The following CCDC171 variants were observed in gnomAD, a reference collection of about 807,000 sequenced individuals.
CCDC171 encodes coiled-coil domain-containing protein 171.
CCDC171 carries 177 observed loss-of-function variants against 168.2 expected under a neutral mutation model. The ratio of observed to expected loss-of-function variants is 1.05; its 90% CI spans 0.93 to 1.19. The LOEUF is 1.19. Among genes scored for constraint, CCDC171 ranks in the 50% most tolerant of loss-of-function variants. CCDC171 has a pLI of 0.00. For missense variants in CCDC171, 1,991 were observed against 1,539.0 expected (o/e 1.29, Z -4.91); for synonymous variants, 687 against 540.8 (o/e 1.27, Z -3.75).
At chr9:15,909,405 C>G (rs970631030) in intron 24 of CCDC171, among the ~76,000 whole-genome samples, 1 of 63,098 alleles carries the variant, frequency 1.6e-5, no homozygotes, top group African/African-American at 5.9e-5. Context: ...TGTGCGTACA[C>G]ACACACACAC....
chr9:16,013,599 C>T (rs990749489), intron 3 of CCDC171, among the ~76,000 whole-genome samples: 5 of 152,198 alleles, frequency 3.3e-5, no homozygotes, highest in South Asian at 2.1e-4. Context: ...CTCTCTGACC[C>T]GTACCTACCT....
intron 25 of CCDC171, among the ~76,000 whole-genome samples, chr9:15,944,476 A>T (rs1469407829): frequency 6.6e-6 from 1 of 152,032 alleles, no homozygotes; most frequent in Non-Finnish European, 1.5e-5. Context: ...TGTGTGAGAC[A>T]TTGTCAGGGC....
At chr9:15,861,955 A>G (rs1192499954) in intron 23 of CCDC171, among the ~76,000 whole-genome samples, 2 of 151,922 alleles carry the variant, frequency 1.3e-5, no homozygotes, top group African/African-American at 4.8e-5. Context: ...AGCTTTTGTC[A>G]GGGAAATTTT....
At chr9:15,774,884 C>T (rs912464454) in intron 18 of CCDC171, among the ~76,000 whole-genome samples, 3 of 152,128 alleles carry the variant, frequency 2.0e-5, no homozygotes, top group South Asian at 2.1e-4. Flanking sequence ...TGTTCTCACT[C>T]ATATGTGGGA....
chr9:15,632,824 A>G (rs2045845569), intron 7 of CCDC171, among the ~76,000 whole-genome samples: 1 of 152,230 alleles, frequency 6.6e-6, no homozygotes, highest in Admixed American at 6.5e-5. Context: ...CAAAACAGAG[A>G]TATAGATCAA....
chr9:15,700,988 A>T (rs1159028595), intron 11 of CCDC171, among the ~76,000 whole-genome samples: 2 of 151,250 alleles, frequency 1.3e-5, no homozygotes, highest in African/African-American at 4.9e-5. Flanking sequence ...TCCCTAATTT[A>T]TGATTTGAGC....
intron 9 of CCDC171, among the ~76,000 whole-genome samples, chr9:15,671,918 G>A (rs888330778): frequency 2.6e-5 from 4 of 152,156 alleles, no homozygotes; most frequent in African/African-American, 9.7e-5. Flanking sequence ...GATCCTTGAG[G>A]AATTGCCACA....
At chr9:15,966,897 A>T (rs7862496) in intron 25 of CCDC171, among the ~76,000 whole-genome samples, 1 of 39,332 alleles carries the variant, frequency 2.5e-5, no homozygotes, top group Admixed American at 1.8e-4. Context: ...GTGTGTGTGT[A>T]TATATATATA....
intron 3 of CCDC171, among the ~76,000 whole-genome samples, chr9:16,012,062 C>A: frequency 6.6e-6 from 1 of 152,188 alleles, no homozygotes; most frequent in Non-Finnish European, 1.5e-5. Context: ...GTGGACTGAT[C>A]TGCAAATAGG....
chr9:15,799,211 T>G (rs2135749442), intron 21 of CCDC171, among the ~76,000 whole-genome samples: 1 of 147,062 alleles, frequency 6.8e-6, no homozygotes, highest in East Asian at 2.0e-4. Context: ...TGTTTCCATC[T>G]AATGTGATTT....
At chr9:15,901,173 T>C (rs1821594756) in intron 24 of CCDC171, among the ~76,000 whole-genome samples, 1 of 152,138 alleles carries the variant, frequency 6.6e-6, no homozygotes, top group Non-Finnish European at 1.5e-5. Flanking sequence ...AAAAGATCAG[T>C]GGTTGCCAGG....
In CCDC171 at chr9:15,729,713, C is replaced by T; in HGVS notation, c.1964C>T (p.Ala655Val). 1 of 1,613,426 alleles carries T rather than the reference C, an allele frequency of 6.2e-7. No homozygotes were observed. Among genetic ancestry groups the T allele is most frequent in the Non-Finnish European group, 8.5e-7 (1 of 1,179,554 alleles). ...TFTKVAEQIK[A>V]QESCWHRQKK... ...ACCAAAGTGGCAGAACAGATCAAAG[C>T]CCAAGAGAGCTGCTGGCACAGACAA... Residue 655 changes from alanine to valine, a missense_variant, in exon 16 of 26, where the codon GCC becomes GTC. Ala to Val is a moderately conservative substitution (Grantham distance 64). Coordinates refer to ENST00000380701, the MANE Select transcript of CCDC171 (RefSeq NM_173550.4).
intron 6 of CCDC171, among the ~76,000 whole-genome samples, chr9:15,619,674 A>G (rs1199125298): frequency 2.0e-5 from 3 of 152,238 alleles, no homozygotes; most frequent in Admixed American, 2.0e-4. Flanking sequence ...CCAAAGATCT[A>G]GCTAAAATAA....
chr9:15,975,844 G>A (rs1338813268), downstream of CCDC171, among the ~76,000 whole-genome samples: 1 of 152,114 alleles, frequency 6.6e-6, no homozygotes, highest in East Asian at 1.9e-4. Flanking sequence ...TACCGTCTAC[G>A]GCAAAGGGAC....
intron 21 of CCDC171, among the ~76,000 whole-genome samples, chr9:15,806,136 T>TGA (rs767662158): frequency 1.3e-5 from 2 of 152,166 alleles, no homozygotes; most frequent in Non-Finnish European, 2.9e-5. Context: ...TCTTTGCATG[T>TGA]GAGATGAGTC....
intron 21 of CCDC171, among the ~76,000 whole-genome samples, chr9:15,803,258 T>A (rs956536172): frequency 6.6e-6 from 1 of 152,214 alleles, no homozygotes; most frequent in Non-Finnish European, 1.5e-5. Context: ...AGCTCTTTAG[T>A]TTAGTTAGAT....
At chr9:15,688,118 C>CAAAAAAAA (rs33945014) in intron 10 of CCDC171, among the ~76,000 whole-genome samples, 7 of 94,942 alleles carry the variant, frequency 7.4e-5, no homozygotes, top group South Asian at 3.7e-4. Flanking sequence ...GACTCCATCT[C>CAAAAAAAA]AAAAAAAAAA....
chr9:15,960,765 C>A (rs1830259523), intron 25 of CCDC171, among the ~76,000 whole-genome samples: 1 of 152,184 alleles, frequency 6.6e-6, no homozygotes, highest in Non-Finnish European at 1.5e-5. Context: ...TGTCTTACAT[C>A]TGAAGTACCT....
intron 3 of CCDC171, among the ~76,000 whole-genome samples, chr9:16,019,384 G>A (rs1318486540): frequency 6.6e-6 from 1 of 152,208 alleles, no homozygotes. Context: ...TAGATGAGGG[G>A]CCATCTCAAG....
Sources: gnomAD v4.1 joint callset for allele counts (sites outside exome capture counted in the v4.1 genomes callset) on GRCh38, gnomAD v4.1.1 for gene constraint, MANE v1.5 for transcripts, NCBI Gene and HGNC (gene_info 2026-07-23, HGNC 2026-07-21) for gene names.